The following ZNF26 variants were observed in gnomAD, a reference collection of about 807,000 sequenced individuals.
ZNF26 encodes the protein epididymis luminal protein 179.
ZNF26 carries 32 observed loss-of-function variants against 54.9 expected under a neutral mutation model. That is an observed-to-expected ratio of 0.58 (90% CI 0.44 to 0.78). The LOEUF (loss-of-function observed/expected upper bound fraction) is 0.78, where lower values mean the gene tolerates loss of function less well. Among genes scored for constraint, ZNF26 ranks in the 30% least tolerant of loss-of-function variants. The pLI, the probability that ZNF26 is intolerant of heterozygous loss-of-function variation, is 0.00. For missense variants in ZNF26, 524 were observed against 634.0 expected (o/e 0.83, Z 1.86); for synonymous variants, 221 against 209.2 (o/e 1.06, Z -0.49).
chr12:133,012,034 T>TTCTA lies in ZNF26; in HGVS notation c.*563_*566dup. On this transcript the variant is annotated 3_prime_UTR_variant, in exon 4 of 4. Transcript: ENST00000328654. ...GTACTTTATTTTTTAATGTAACTTGTTCTATCTATCTATATATATATTTGA... is the reference window on the plus strand; with the variant it reads ...GTACTTTATTTTTTAATGTAACTTGTTCTATCTATCTATCTATATATATATTTGA... 6.6e-6 allele frequency: 1 copy of TTCTA among 152,388 alleles called. No homozygotes were observed. The highest frequency in any genetic ancestry group is 6.5e-5 in the Admixed American group (1 of 15,310). 9.4% of individuals were successfully genotyped at this position (152,388 alleles called of 1,614,324 possible).
intron 1 of ZNF26, among the ~76,000 whole-genome samples, chr12:132,994,151 C>T (rs1953023804): frequency 6.6e-6 from 1 of 152,196 alleles, no homozygotes; most frequent in Admixed American, 6.5e-5. Flanking sequence ...ATGACTGGGT[C>T]CCCCTGGACT....
Position 133,011,570 on chromosome 12 carries a change from A to T in ZNF26, c.*89A>T. 7.4e-7 allele frequency: 1 copy of T among 1,347,814 alleles called. No homozygotes were observed. The highest frequency in any genetic ancestry group is 9.8e-7 in the Non-Finnish European group (1 of 1,017,210). 83.5% of individuals were successfully genotyped at this position (1,347,814 alleles called of 1,614,324 possible). ...TTTACAAGCAGGAGGCCCTAAAATT[A>T]CACTCATGTCAAAAATCAGAGAGGA... On this transcript the variant is annotated 3_prime_UTR_variant, in exon 4 of 4. Transcript: ENST00000328654.
chr12:133,005,638 T>C (rs1167104831), intron 1 of ZNF26: 1 of 152,160 alleles, frequency 6.6e-6, no homozygotes, highest in East Asian at 1.9e-4. Flanking sequence ...GGTGGGACCT[T>C]TGGGAGGTAT....
Position 133,017,198 on chromosome 12 carries a change from G to A in ZNF26, c.*5717G>A, listed in dbSNP as rs1388828279. 1.3e-5 allele frequency: 2 copies of A among 152,190 alleles called. No individual in the cohort carries two copies. The highest frequency in any genetic ancestry group is 2.9e-5 in the Non-Finnish European group (2 of 68,032). The allele number at this position is 152,190 out of a possible 1,614,324, so 9.4% of individuals were successfully genotyped here. A position where few individuals can be genotyped will look rare whatever the true frequency, so the allele number is the denominator to read the frequency against. On this transcript the variant is annotated 3_prime_UTR_variant, in exon 4 of 4. Transcript: ENST00000328654. ...AAAATAACAGTATGTAACATTGGAAGAAGTCTAATAATTTTTAGGGGAGTA... is the reference window on the plus strand; with the variant it reads ...AAAATAACAGTATGTAACATTGGAAAAAGTCTAATAATTTTTAGGGGAGTA...
At position 133,010,120 on chromosome 12, in the gene ZNF26, G is replaced by A; in HGVS notation, c.257-16G>A. The A allele has an allele frequency of 1.9e-6, 3 of 1,574,500 alleles. No individual in the cohort carries two copies. In the South Asian group the frequency reaches 3.6e-5, roughly 19 times the overall value. ...GTTATGATTCAAAAAGTTATATTTT[G>A]TTTGTTTTTTTGTAGATGGCTGGGA... On this transcript the variant is annotated splice_polypyrimidine_tract_variant and intron_variant, in intron 3 of 3. Coordinates refer to ENST00000328654, the MANE Select transcript of ZNF26 (RefSeq NM_019591.4).
chr12:132,994,978 C>T (rs1347324956), intron 1 of ZNF26, among the ~76,000 whole-genome samples: 2 of 151,928 alleles, frequency 1.3e-5, no homozygotes, highest in African/African-American at 4.8e-5. Flanking sequence ...CAAATGCCCC[C>T]GGGGGGGCAA....
chr12:132,997,099 G>C (rs1244136494), intron 1 of ZNF26, among the ~76,000 whole-genome samples: 1 of 152,188 alleles, frequency 6.6e-6, no homozygotes, highest in Admixed American at 6.5e-5. Flanking sequence ...TTACATCAAG[G>C]TTGTTTGACC....
At chr12:132,997,180 C>A (rs1240079628) in intron 1 of ZNF26, among the ~76,000 whole-genome samples, 1 of 152,230 alleles carries the variant, frequency 6.6e-6, no homozygotes, top group Non-Finnish European at 1.5e-5. Flanking sequence ...ATCTTAGAGG[C>A]CTTCCCAGAA....
Position 133,010,297 on chromosome 12 carries a change from G to T in ZNF26, c.418G>T (p.Ala140Ser), listed in dbSNP as rs1953440763. 1 of 1,613,748 alleles carries T rather than the reference G, an allele frequency of 6.2e-7. No homozygotes were observed. The highest frequency in any genetic ancestry group is 1.3e-5 in the African/African-American group (1 of 74,838). The change falls in exon 4 of 4, where the codon GCT becomes TCT. Residue 140 changes from alanine to serine, a missense_variant. Physicochemically the swap from Ala to Ser is moderately conservative, Grantham distance 99 (BLOSUM62 1). Transcript: ENST00000328654. ...TGGAAAAAGTTTGACACAAAACTCA[G>T]CTCCAAGCAGAAGTTATTTAAGAAA... ...TRGKSLTQNS[A>S]PSRSYLRKNP... is the part of the protein sequence containing the mutation.
At chr12:132,999,612 A>G (rs1259744472) in intron 1 of ZNF26, among the ~76,000 whole-genome samples, 1 of 152,162 alleles carries the variant, frequency 6.6e-6, no homozygotes, top group Admixed American at 6.5e-5. Context: ...AATATTTTCT[A>G]TAGGTTTAAG....
chr12:133,006,313 G>A (rs1387990223), intron 1 of ZNF26: 23 of 985,360 alleles, frequency 2.3e-5, no homozygotes, highest in African/African-American at 5.2e-5. Context: ...GCTGAACCTC[G>A]TCCAAACACC....
Position 133,023,995 on chromosome 12 carries a change from T to C in ZNF26, c.*12514T>C, listed in dbSNP as rs1953673359. Reference sequence around the variant, plus strand: ...CATGCCTTTCTGGCTCCATGAGAAATTCTGACCCAGAACGGCTCAGTCAGA... The same window carrying C: ...CATGCCTTTCTGGCTCCATGAGAAACTCTGACCCAGAACGGCTCAGTCAGA... On this transcript the variant is annotated 3_prime_UTR_variant, in exon 4 of 4. Coordinates refer to ENST00000328654, the MANE Select transcript of ZNF26 (RefSeq NM_019591.4). 6.6e-6 allele frequency: 1 copy of C among 152,202 alleles called. No homozygotes were observed. Among genetic ancestry groups the C allele is most frequent in the South Asian group, 2.1e-4 (1 of 4,836 alleles). The allele number at this position is 152,202 out of a possible 1,614,324, so 9.4% of individuals were successfully genotyped here. A position where few individuals can be genotyped will look rare whatever the true frequency, so the allele number is the denominator to read the frequency against.
intron 1 of ZNF26, among the ~76,000 whole-genome samples, chr12:133,000,756 A>G (rs1411074257): frequency 2.0e-5 from 3 of 151,754 alleles, no homozygotes; most frequent in Non-Finnish European, 4.4e-5. Flanking sequence ...ATAGGGTTTC[A>G]CTATGTTGGC....
At position 132,986,813 on chromosome 12, in the gene ZNF26, C is replaced by G. The variant is rs1859149751; in HGVS notation, c.-28C>G. Reference sequence around the variant, plus strand: ...CCGCAGCCCGCGGGTCCTGCCCCCGCAGGCAGCGCGCGAACGTGGGCGTGG... The same window carrying G: ...CCGCAGCCCGCGGGTCCTGCCCCCGGAGGCAGCGCGCGAACGTGGGCGTGG... On this transcript the variant is annotated 5_prime_UTR_variant, in exon 1 of 4. Transcript: ENST00000328654. 2 of 1,595,686 alleles carry G rather than the reference C, an allele frequency of 1.3e-6. No homozygotes were observed. The highest frequency in any genetic ancestry group is 2.7e-5 in the African/African-American group (2 of 74,688).
At chr12:133,004,982 C>G (rs1953292764) in intron 1 of ZNF26, 1 of 152,056 alleles carries the variant, frequency 6.6e-6, no homozygotes, top group African/African-American at 2.4e-5. Flanking sequence ...TATTTTCAGA[C>G]ATTTCATTAC....
At chr12:132,987,710 C>A (rs949492309) in intron 1 of ZNF26, 11 of 985,246 alleles carry the variant, frequency 1.1e-5, no homozygotes, top group Non-Finnish European at 1.3e-5. Flanking sequence ...CATAAAGACA[C>A]CTTATTGTAT....
rs1953704437 is a variant in ZNF26, at chr12:133,026,277, T to G, written c.*14796T>G. The G allele has an allele frequency of 6.6e-6, 1 of 151,948 alleles. No individual in the cohort carries two copies. Among genetic ancestry groups the G allele is most frequent in the African/African-American group, 2.4e-5 (1 of 41,376 alleles). The allele number at this position is 151,948 out of a possible 1,614,324, so 9.4% of individuals were successfully genotyped here. ...CACCATACTTGGCTAATTTTTGTAT[T>G]TTTAGTAGAGATGGGGTTTCACCAT... On this transcript the variant is annotated 3_prime_UTR_variant, in exon 4 of 4. Coordinates refer to ENST00000328654, the MANE Select transcript of ZNF26 (RefSeq NM_019591.4).
At chr12:132,999,312 T>C (rs894101368) in intron 1 of ZNF26, among the ~76,000 whole-genome samples, 6 of 152,224 alleles carry the variant, frequency 3.9e-5, no homozygotes, top group Non-Finnish European at 2.9e-5. Context: ...TTGAGTGCAG[T>C]GGCACGATCT....
chr12:132,992,335 T>G (rs1952982513), intron 1 of ZNF26, among the ~76,000 whole-genome samples: 1 of 152,182 alleles, frequency 6.6e-6, no homozygotes, highest in Non-Finnish European at 1.5e-5. Context: ...CTAAACACCT[T>G]AACTGTTTCA....
Sources: allele counts gnomAD v4.1 joint callset (sites outside exome capture counted in the v4.1 genomes callset), GRCh38; gene constraint gnomAD v4.1.1; transcripts MANE v1.5; gene names NCBI Gene and HGNC (gene_info 2026-07-23, HGNC 2026-07-21).